MBOAT2: variants seen among roughly 807,000 people sequenced by gnomAD.
MBOAT2 encodes membrane bound glycerophospholipid O-acyltransferase 2, also known as membrane-bound glycerophospholipid O-acyltransferase 2.
MBOAT2 carries 28 observed loss-of-function variants against 63.4 expected under a neutral mutation model. The observed-to-expected ratio is 0.44, with a 90% CI of 0.33 to 0.61. The LOEUF (loss-of-function observed/expected upper bound fraction) is 0.61, where lower values mean the gene tolerates loss of function less well. MBOAT2 is among the 20% of genes least tolerant of loss of function. The probability of loss-of-function intolerance (pLI) is 0.03; values close to 1 mark genes in which losing one functional copy is unlikely to be tolerated. For missense variants in MBOAT2, 470 were observed against 605.8 expected, an observed-to-expected ratio of 0.78 and a Z score of 2.35; for synonymous variants, 211 against 215.6, an observed-to-expected ratio of 0.98 and a Z score of 0.19.
At chr2:8,923,534 G>A (rs750580813) in intron 3 of MBOAT2, among the ~76,000 whole-genome samples, 15 of 152,098 alleles carry the variant, frequency 9.9e-5, no homozygotes, top group Non-Finnish European at 4.4e-5. Context: ...AGGCAGATTT[G>A]TGAAATACCT....
chr2:8,962,479 T>C (rs1221166653), intron 1 of MBOAT2, among the ~76,000 whole-genome samples: 1 of 152,186 alleles, frequency 6.6e-6, no homozygotes, highest in Non-Finnish European at 1.5e-5. Flanking sequence ...GTGTGTTGCT[T>C]CTCGGCCAGA....
At chr2:8,909,244 T>C (rs541254032) in intron 3 of MBOAT2, among the ~76,000 whole-genome samples, 88 of 152,258 alleles carry the variant, frequency 5.8e-4, no homozygotes, top group African/African-American at 2.1e-3. Context: ...ATTAAAAACA[T>C]AGCATGGGAA....
intron 2 of MBOAT2, among the ~76,000 whole-genome samples, chr2:8,951,842 C>T (rs899088609): frequency 1.3e-5 from 2 of 152,174 alleles, no homozygotes; most frequent in Admixed American, 1.3e-4. Context: ...AGCTAGCAAT[C>T]TATTGGTCCT....
intron 3 of MBOAT2, among the ~76,000 whole-genome samples, chr2:8,916,217 T>C (rs1163357953): frequency 6.6e-6 from 1 of 152,158 alleles, no homozygotes; most frequent in African/African-American, 2.4e-5. Context: ...GAAAATGAGG[T>C]GCCTTGTCTC....
At chr2:8,972,657 C>G (rs1427519431) in intron 1 of MBOAT2, among the ~76,000 whole-genome samples, 1 of 151,962 alleles carries the variant, frequency 6.6e-6, no homozygotes, top group Non-Finnish European at 1.5e-5. Context: ...ACAAAGAACT[C>G]AAACAAATTT....
chr2:8,915,238 C>T (rs556911128), intron 3 of MBOAT2, among the ~76,000 whole-genome samples: 79 of 152,130 alleles, frequency 5.2e-4, no homozygotes, highest in Non-Finnish European at 7.1e-4. Context: ...CGTGCCCAGC[C>T]GGAAAGTTTT....
At chr2:8,958,420 A>G (rs1558656362) in intron 2 of MBOAT2, 77 bp downstream of exon 2, 3 of 1,343,474 alleles carry the variant, frequency 2.2e-6, no homozygotes, top group Non-Finnish European at 3.0e-6. Flanking sequence ...ACCCTACATA[A>G]TGTATCTTTC....
chr2:8,977,332 C>T (rs750089008), intron 1 of MBOAT2, among the ~76,000 whole-genome samples: 1 of 152,082 alleles, frequency 6.6e-6, no homozygotes, highest in African/African-American at 2.4e-5. Context: ...ATTGAAGTTA[C>T]ATATCACACT....
chr2:8,951,404 C>T (rs2103259127), intron 2 of MBOAT2, among the ~76,000 whole-genome samples: 1 of 152,222 alleles, frequency 6.6e-6, no homozygotes, highest in African/African-American at 2.4e-5. Context: ...GGGGTCTTGC[C>T]ATGTTGGCCA....
rs923036929 is a variant in MBOAT2, at chr2:8,857,287, G to T, written c.*1392C>A. ...CCCCCTCCCCTCCTACAGGGCAGGAGGTACAATCTGGGGCTGAGGCCACTC... is the reference window on the plus strand; with the variant it reads ...CCCCCTCCCCTCCTACAGGGCAGGATGTACAATCTGGGGCTGAGGCCACTC... On this transcript the variant is annotated 3_prime_UTR_variant, in exon 13 of 13. Coordinates refer to ENST00000305997, the MANE Select transcript of MBOAT2 (RefSeq NM_138799.4). 3.9e-5 allele frequency: 6 copies of T among 152,710 alleles called. No homozygotes were observed. The highest frequency in any genetic ancestry group is 5.9e-5 in the Non-Finnish European group (4 of 68,078). 9.5% of individuals were successfully genotyped at this position (152,710 alleles called of 1,614,324 possible). A position where few individuals can be genotyped will look rare whatever the true frequency, so the allele number is the denominator to read the frequency against.
At chr2:8,939,393 G>C (rs1441151042) in intron 3 of MBOAT2, among the ~76,000 whole-genome samples, 1 of 152,192 alleles carries the variant, frequency 6.6e-6, no homozygotes, top group East Asian at 1.9e-4. Context: ...AGAGGGCCTG[G>C]GATTGCTGGA....
At chr2:8,966,084 C>A (rs959119268) in intron 1 of MBOAT2, among the ~76,000 whole-genome samples, 5 of 152,150 alleles carry the variant, frequency 3.3e-5, no homozygotes, top group Non-Finnish European at 7.4e-5. Flanking sequence ...GGTGAACAGC[C>A]AGTCTTTGTG....
intron 3 of MBOAT2, among the ~76,000 whole-genome samples, chr2:8,936,092 G>A (rs1667641227): frequency 6.6e-6 from 1 of 152,132 alleles, no homozygotes; most frequent in African/African-American, 2.4e-5. Flanking sequence ...CCTCCAGGAT[G>A]CCCCCCAGCC....
chr2:8,960,430 C>T (rs528231751), intron 1 of MBOAT2, among the ~76,000 whole-genome samples: 21 of 152,222 alleles, frequency 1.4e-4, no homozygotes, highest in African/African-American at 4.8e-4. Context: ...AACGTCAACC[C>T]AACATCAGAG....
intron 3 of MBOAT2, among the ~76,000 whole-genome samples, chr2:8,924,657 T>C (rs1000339271): frequency 6.6e-6 from 1 of 151,546 alleles, no homozygotes; most frequent in African/African-American, 2.4e-5. Context: ...CACTTTTGTT[T>C]ACAGATGACA....
intron 1 of MBOAT2, among the ~76,000 whole-genome samples, chr2:8,984,222 AAAGGCCAGGG>A (rs1186453503): frequency 1.3e-5 from 2 of 152,182 alleles, no homozygotes; most frequent in Admixed American, 1.3e-4. Context: ...CACAGAAACA[AAAGGCCAGGG>A]GTTGGGGTGA....
At chr2:8,896,403 G>C (rs1220263605) in intron 4 of MBOAT2, among the ~76,000 whole-genome samples, 1 of 149,580 alleles carries the variant, frequency 6.7e-6, no homozygotes, top group Non-Finnish European at 1.5e-5. Context: ...GCAGTGAGGA[G>C]GTCTAGGCCT....
Position 8,943,318 on chromosome 2 carries a change from G to A in MBOAT2, c.222-54C>T, listed in dbSNP as rs1668179912. 9 of 1,115,796 alleles carry A rather than the reference G, an allele frequency of 8.1e-6. No homozygotes were observed. In the South Asian group the frequency reaches 1.3e-4, roughly 16 times the overall value. The allele number at this position is 1,115,796 out of a possible 1,614,324, so 69.1% of individuals were successfully genotyped here. A position where few individuals can be genotyped will look rare whatever the true frequency, so the allele number is the denominator to read the frequency against. ...AGGGATGCCAAGTCACAAACATCAA[G>A]CTGAAGTGAATTAAGCTAAAAAATA... On this transcript the variant is annotated intron_variant, in intron 2 of 12. Coordinates refer to ENST00000305997, the MANE Select transcript of MBOAT2 (RefSeq NM_138799.4).
intron 3 of MBOAT2, among the ~76,000 whole-genome samples, chr2:8,938,405 C>T (rs1307627212): frequency 1.3e-5 from 2 of 152,138 alleles, no homozygotes; most frequent in South Asian, 2.1e-4. Flanking sequence ...TACACACTCA[C>T]ACCTCACCAC....
Sources: allele counts gnomAD v4.1 joint callset (sites outside exome capture counted in the v4.1 genomes callset), GRCh38; gene constraint gnomAD v4.1.1; transcripts MANE v1.5; gene names NCBI Gene and HGNC (gene_info 2026-07-23, HGNC 2026-07-21).